NTRK2: variants seen among roughly 807,000 people sequenced by gnomAD.
NTRK2 encodes neurotrophic receptor tyrosine kinase 2, also known as BDNF/NT-3 growth factors receptor.
Under a neutral mutation model 94.5 loss-of-function variants are expected in NTRK2, and 13 were observed. The observed-to-expected ratio is 0.14, with a 90% CI of 0.09 to 0.22. NTRK2 has a LOEUF of 0.22. Among genes scored for constraint, NTRK2 ranks in the 10% least tolerant of loss-of-function variants. NTRK2 has a pLI of 1.00. For synonymous variants in NTRK2, 372 were observed against 407.4 expected, an observed-to-expected ratio of 0.91 and a Z score of 1.05; for missense variants, 639 against 1,071.2, an observed-to-expected ratio of 0.60 and a Z score of 5.63.
In NTRK2 at chr9:84,813,659, C is replaced by T. The variant is rs1262712343; in HGVS notation, c.1397-47381C>T. The T allele has an allele frequency of 2.8e-6, 3 of 1,065,986 alleles. No homozygotes were observed. In the East Asian group the frequency reaches 1.5e-4, roughly 53 times the overall value. 66.0% of individuals were successfully genotyped at this position (1,065,986 alleles called of 1,614,324 possible). A position where few individuals can be genotyped will look rare whatever the true frequency, so the allele number is the denominator to read the frequency against. ...CTGTCTCCCTTTGCTGGGAATTCTGCACCAATGTCTCCCCTCAACCCATTC... is the reference window on the plus strand; with the variant it reads ...CTGTCTCCCTTTGCTGGGAATTCTGTACCAATGTCTCCCCTCAACCCATTC... On this transcript the variant is annotated intron_variant, in intron 12 of 18. Coordinates refer to ENST00000277120, the MANE Select transcript of NTRK2 (RefSeq NM_006180.6).
At chr9:84,812,351 C>G in intron 12 of NTRK2, 4 of 1,058,958 alleles carry the variant, frequency 3.8e-6, no homozygotes, top group Non-Finnish European at 4.6e-6. Flanking sequence ...ATACCCATGC[C>G]TTAAAGAGGG....
chr9:84,782,269 T>C (rs923652660), intron 12 of NTRK2, among the ~76,000 whole-genome samples: 12 of 152,210 alleles, frequency 7.9e-5, no homozygotes, highest in Non-Finnish European at 1.3e-4. Context: ...ATTTTGGAAA[T>C]TTCTAATCTG....
intron 14 of NTRK2, among the ~76,000 whole-genome samples, chr9:84,879,076 T>A (rs995959308): frequency 3.3e-5 from 5 of 152,138 alleles, no homozygotes; most frequent in African/African-American, 1.2e-4. Flanking sequence ...TCACTACATT[T>A]TTAAAATTTT....
chr9:84,981,452 T>C (rs1397638999), intron 17 of NTRK2, among the ~76,000 whole-genome samples: 1 of 152,164 alleles, frequency 6.6e-6, no homozygotes, highest in East Asian at 1.9e-4. Flanking sequence ...AAGTGAATAA[T>C]TCCTTAAAGT....
At chr9:84,731,079 A>G (rs1174335695) in intron 9 of NTRK2, among the ~76,000 whole-genome samples, 1 of 152,110 alleles carries the variant, frequency 6.6e-6, no homozygotes, top group Non-Finnish European at 1.5e-5. Context: ...ATTTCCATAC[A>G]GAGCCATAAT....
At chr9:84,873,955 A>G (rs1177928047) in intron 14 of NTRK2, 1 of 1,063,130 alleles carries the variant, frequency 9.4e-7, no homozygotes, top group African/African-American at 1.6e-5. Flanking sequence ...CGGCCAACCA[A>G]GATGGAGTTC....
intron 14 of NTRK2, among the ~76,000 whole-genome samples, chr9:84,928,089 A>G (rs954054711): frequency 5.3e-5 from 8 of 152,192 alleles, no homozygotes; most frequent in Admixed American, 2.0e-4. Context: ...ATTTATGAAT[A>G]TTTAGCCTTT....
intron 17 of NTRK2, among the ~76,000 whole-genome samples, chr9:84,972,199 G>C (rs556880674): frequency 1.3e-5 from 2 of 152,242 alleles, no homozygotes; most frequent in African/African-American, 2.4e-5. Context: ...ACATAGATGA[G>C]GATAGAGGTT....
intron 15 of NTRK2, among the ~76,000 whole-genome samples, chr9:84,934,545 C>T (rs2078149050): frequency 1.3e-5 from 2 of 152,268 alleles, no homozygotes; most frequent in African/African-American, 4.8e-5. Context: ...CTTCCAAGTC[C>T]ATGCTAACTG....
At position 84,824,536 on chromosome 9, in the gene NTRK2, C is replaced by T. The variant is rs777824263; in HGVS notation, c.1397-36504C>T. ...GCATGGCTATTCAGAGGTGGGGCAG[C>T]CCAACAGGAGCAAGAAAGGGGCTCT... On this transcript the variant is annotated intron_variant, in intron 12 of 18. Coordinates refer to ENST00000277120, the MANE Select transcript of NTRK2 (RefSeq NM_006180.6). Among the ~76,000 whole-genome samples, 8 of 152,198 alleles carry T rather than the reference C, an allele frequency of 5.3e-5. No homozygotes were observed. In the East Asian group the frequency reaches 5.8e-4, roughly 11 times the overall value.
At chr9:84,828,162 C>A (rs2073305337) in intron 12 of NTRK2, among the ~76,000 whole-genome samples, 1 of 152,138 alleles carries the variant, frequency 6.6e-6, no homozygotes, top group Non-Finnish European at 1.5e-5. Context: ...TTATGGCAGA[C>A]TGATACAAAT....
chr9:84,847,025 C>T (rs1473673177), intron 12 of NTRK2, among the ~76,000 whole-genome samples: 2 of 152,184 alleles, frequency 1.3e-5, no homozygotes, highest in Non-Finnish European at 2.9e-5. Context: ...AAAACAACAA[C>T]AAAAGAGCTA....
In NTRK2 at chr9:84,755,655, T is replaced by C. The variant is rs554875078; in HGVS notation, c.1396+3570T>C. The stretch of plus-strand genomic sequence containing the variant: ...ACACACTGTTTTCAACAATCGTCAT[T>C]GTTTAAGTTTGGAGGATTCACTTTG... On this transcript the variant is annotated intron_variant, in intron 12 of 18. Coordinates refer to ENST00000277120, the MANE Select transcript of NTRK2 (RefSeq NM_006180.6). Among the ~76,000 whole-genome samples the C allele has an allele frequency of 1.1e-4, 16 of 151,892 alleles. No homozygotes were observed. In the South Asian group the frequency reaches 3.3e-3, roughly 32 times the overall value.
intron 15 of NTRK2, among the ~76,000 whole-genome samples, chr9:84,943,313 A>ATTC (rs2078477781): frequency 2.0e-5 from 3 of 152,062 alleles, no homozygotes; most frequent in Non-Finnish European, 4.4e-5. Flanking sequence ...ATTAACCTTA[A>ATTC]CATTTTGCTG....
chr9:85,000,285 C>A (rs1275200147), intron 17 of NTRK2, among the ~76,000 whole-genome samples: 2 of 152,242 alleles, frequency 1.3e-5, no homozygotes, highest in Non-Finnish European at 1.5e-5. Flanking sequence ...AAGGTTCACT[C>A]TTGATGTGCT....
chr9:84,723,332 G>A (rs1054952630), intron 6 of NTRK2, among the ~76,000 whole-genome samples: 9 of 152,082 alleles, frequency 5.9e-5, no homozygotes, highest in Non-Finnish European at 1.3e-4. Flanking sequence ...AAGGTTATTC[G>A]GCAATAATGC....
At chr9:84,810,633 T>G in intron 12 of NTRK2, 1 of 1,613,370 alleles carries the variant, frequency 6.2e-7, no homozygotes. Context: ...TGGTTGATGC[T>G]GCCATGTAAG....
At chr9:84,732,461 C>T (rs1003000191) in intron 9 of NTRK2, among the ~76,000 whole-genome samples, 5 of 152,158 alleles carry the variant, frequency 3.3e-5, no homozygotes, top group Non-Finnish European at 7.4e-5. Context: ...AATGAGCAAC[C>T]AGGAGTGAGC....
chr9:84,920,137 T>C (rs997761358), intron 14 of NTRK2, among the ~76,000 whole-genome samples: 4 of 152,232 alleles, frequency 2.6e-5, no homozygotes, highest in Middle Eastern at 3.2e-3. Context: ...GGTGGCTTTA[T>C]ATTGGCTAGC....
Sources: allele counts gnomAD v4.1 joint callset (sites outside exome capture counted in the v4.1 genomes callset), GRCh38; gene constraint gnomAD v4.1.1; transcripts MANE v1.5; gene names NCBI Gene and HGNC (gene_info 2026-07-23, HGNC 2026-07-21).